NXNL2: variants seen among roughly 807,000 people sequenced by gnomAD.
The protein encoded by NXNL2 is nucleoredoxin like 2.
NXNL2 carries 7 observed loss-of-function variants against 11.1 expected under a neutral mutation model. That is an observed-to-expected ratio of 0.63 (90% CI 0.36 to 1.18). NXNL2 has a LOEUF of 1.18. Ranked by LOEUF, NXNL2 falls within the 50% of genes most tolerant of loss-of-function variation. The pLI is 0.02. For missense variants in NXNL2, 233 were observed against 217.7 expected (o/e 1.07, Z -0.44); for synonymous variants, 109 against 101.8 (o/e 1.07, Z -0.42).
downstream of NXNL2, among the ~76,000 whole-genome samples, chr9:88,579,326 T>C (rs917396909): frequency 6.6e-6 from 1 of 152,206 alleles, no homozygotes; most frequent in Non-Finnish European, 1.5e-5. Flanking sequence ...TCCTGACCTC[T>C]TCTAGTTACA....
intron 1 of NXNL2, among the ~76,000 whole-genome samples, chr9:88,541,052 C>G (rs551587241): frequency 5.3e-4 from 74 of 139,260 alleles, no homozygotes; most frequent in African/African-American, 2.0e-3. Context: ...TTCAAGCGAT[C>G]CTCATGCCTC....
intron 1 of NXNL2, among the ~76,000 whole-genome samples, chr9:88,552,534 G>T (rs999923115): frequency 1.3e-5 from 2 of 148,734 alleles, no homozygotes; most frequent in African/African-American, 5.0e-5. Flanking sequence ...GTGCAATGGC[G>T]ATCTCCACTC....
chr9:88,576,687 T>C (rs1256043787), downstream of NXNL2, among the ~76,000 whole-genome samples: 1 of 152,284 alleles, frequency 6.6e-6, no homozygotes, highest in African/African-American at 2.4e-5. Flanking sequence ...TGGCTGGGAC[T>C]GCTCCCTTCT....
At chr9:88,574,789 G>T (rs1256686251) in intron 2 of NXNL2, among the ~76,000 whole-genome samples, 2 of 152,134 alleles carry the variant, frequency 1.3e-5, no homozygotes, top group East Asian at 3.9e-4. Context: ...ATGTTTTCCA[G>T]ACTCGAATGG....
downstream of NXNL2, among the ~76,000 whole-genome samples, chr9:88,549,221 T>G (rs1829893974): frequency 6.6e-6 from 1 of 152,196 alleles, no homozygotes; most frequent in East Asian, 1.9e-4. Context: ...AAGAAACCTG[T>G]GCTGAAGCCT....
At chr9:88,544,145 T>C (rs1439900687) in intron 1 of NXNL2, among the ~76,000 whole-genome samples, 1 of 152,052 alleles carries the variant, frequency 6.6e-6, no homozygotes, top group African/African-American at 2.4e-5. Flanking sequence ...CACTCTAGCC[T>C]GGGCGACAAG....
intron 1 of NXNL2, among the ~76,000 whole-genome samples, chr9:88,582,731 C>T (rs373974525): frequency 1.1e-4 from 16 of 150,684 alleles, no homozygotes; most frequent in South Asian, 4.3e-4. Context: ...CACAGTGGCA[C>T]GATCTTGGCT....
At position 88,535,203 on chromosome 9, in the gene NXNL2, A is replaced by G; in HGVS notation, c.-232A>G. 1.9e-6 allele frequency: 1 copy of G among 525,500 alleles called. No individual in the cohort carries two copies. The highest frequency in any genetic ancestry group is 3.4e-5 in the East Asian group (1 of 29,786). 32.6% of individuals were successfully genotyped at this position (525,500 alleles called of 1,614,324 possible). A position where few individuals can be genotyped will look rare whatever the true frequency, so the allele number is the denominator to read the frequency against. ...AGAGGCGGGTGCCGCGCTGTCGCCC[A>G]GGTATCTGGGGTCTCTGGTGTCTGA... On this transcript the variant is annotated 5_prime_UTR_variant, in exon 1 of 2. Transcript: ENST00000375854.
rs189414673 is a variant in NXNL2 at position 88,571,477 on chromosome 9, T to C, written c.*16+269T>C. Among the ~76,000 whole-genome samples the C allele has an allele frequency of 2.0e-3, 306 of 152,358 alleles. 7 individuals are homozygous for C. The highest frequency in any genetic ancestry group is 1.2e-3 in the East Asian group (6 of 5,190). ...GGCCTGTACATGGGAAAATCTTAAA[T>C]ACCTTATTAATCTTAAAGCTAGCTG... On this transcript the variant is annotated intron_variant, in intron 2 of 2. Transcript: ENST00000375855.
intron 2 of NXNL2, among the ~76,000 whole-genome samples, chr9:88,572,848 C>G (rs1313751464): frequency 6.6e-6 from 1 of 152,202 alleles, no homozygotes; most frequent in Non-Finnish European, 1.5e-5. Context: ...ATCTAACTCA[C>G]GTGTGGCCGG....
intron 1 of NXNL2, among the ~76,000 whole-genome samples, chr9:88,536,622 T>C (rs140663884): frequency 1.5e-4 from 23 of 152,308 alleles, no homozygotes; most frequent in African/African-American, 5.5e-4. Context: ...TATCATTAAG[T>C]TGTGGCATTA....
intron 1 of NXNL2, among the ~76,000 whole-genome samples, chr9:88,583,410 G>A (rs1261457771): frequency 6.6e-6 from 1 of 152,148 alleles, no homozygotes. Context: ...TTCTTAGGTC[G>A]AGCAGGAATA....
chr9:88,573,846 A>C lies in NXNL2; in HGVS notation c.*17-1241A>C, dbSNP rs187089718. Among the ~76,000 whole-genome samples the C allele has an allele frequency of 7.5e-3, 1,145 of 152,332 alleles. 14 individuals are homozygous for C. Among genetic ancestry groups the C allele is most frequent in the Middle Eastern group, 0.027 (8 of 294 alleles). On this transcript the variant is annotated intron_variant, in intron 2 of 2. Coordinates refer to the NXNL2 transcript ENST00000375855. ...AGACAGTTCTCCAAAGAAAATACACAAGTGGTCAAAAAGTATGTGAAGAAG... is the reference window on the plus strand; with the variant it reads ...AGACAGTTCTCCAAAGAAAATACACCAGTGGTCAAAAAGTATGTGAAGAAG...
At chr9:88,567,069 G>A (rs373521014) in intron 1 of NXNL2, among the ~76,000 whole-genome samples, 2 of 151,468 alleles carry the variant, frequency 1.3e-5, no homozygotes, top group East Asian at 3.9e-4. Flanking sequence ...TTCTTTGAGA[G>A]CAGAAATTCC....
intron 1 of NXNL2, among the ~76,000 whole-genome samples, chr9:88,541,533 T>C (rs1216139712): frequency 1.3e-5 from 2 of 152,330 alleles, no homozygotes; most frequent in Non-Finnish European, 2.9e-5. Context: ...AGTGCTGGGA[T>C]TACAGGCGTG....
chr9:88,572,902 A>G (rs1013449255), intron 2 of NXNL2, among the ~76,000 whole-genome samples: 1 of 152,134 alleles, frequency 6.6e-6, no homozygotes, highest in Non-Finnish European at 1.5e-5. Flanking sequence ...TCTGTGTCCC[A>G]CAAGAGGCCA....
intron 1 of NXNL2, among the ~76,000 whole-genome samples, chr9:88,550,484 C>T (rs554474087): frequency 1.8e-4 from 28 of 152,088 alleles, no homozygotes; most frequent in African/African-American, 3.1e-4. Flanking sequence ...TTTTTAAAGG[C>T]GGGAGGCAGA....
downstream of NXNL2, among the ~76,000 whole-genome samples, chr9:88,578,713 C>A (rs978959964): frequency 6.6e-6 from 1 of 152,230 alleles, no homozygotes; most frequent in African/African-American, 2.4e-5. Context: ...GAAGGCTGGG[C>A]GCTCAGCCCC....
chr9:88,559,534 TG>T (rs1587850145), intron 1 of NXNL2, among the ~76,000 whole-genome samples: 1 of 152,186 alleles, frequency 6.6e-6, no homozygotes, highest in East Asian at 1.9e-4. Context: ...CACGTTCACT[TG>T]CTCGACCTCA....
Sources: allele counts gnomAD v4.1 joint callset (sites outside exome capture counted in the v4.1 genomes callset), GRCh38; gene constraint gnomAD v4.1.1; transcripts MANE v1.5; gene names NCBI Gene and HGNC (gene_info 2026-07-23, HGNC 2026-07-21).